Variants in CNTN4 observed in about 807,000 individuals in gnomAD.
CNTN4 encodes contactin-4.
CNTN4 carries 77 observed loss-of-function variants against 122.5 expected under a neutral mutation model. The observed-to-expected ratio is 0.63, with a 90% CI of 0.52 to 0.76. CNTN4 has a LOEUF of 0.76. Among genes scored for constraint, CNTN4 ranks in the 30% least tolerant of loss-of-function variants. The pLI, the probability that CNTN4 is intolerant of heterozygous loss-of-function variation, is 0.00. For missense variants in CNTN4, 1,256 were observed against 1,259.1 expected, an observed-to-expected ratio of 1.00 and a Z score of 0.04; for synonymous variants, 512 against 447.0, an observed-to-expected ratio of 1.15 and a Z score of -1.83.
At chr3:2,215,407 G>A (rs2038794102) in intron 2 of CNTN4, among the ~76,000 whole-genome samples, 1 of 152,036 alleles carries the variant, frequency 6.6e-6, no homozygotes, top group African/African-American at 2.4e-5. Flanking sequence ...GCTTCTTTTT[G>A]GGAAACCACA....
chr3:2,183,252 C>A (rs2037099345), intron 2 of CNTN4, among the ~76,000 whole-genome samples: 1 of 152,044 alleles, frequency 6.6e-6, no homozygotes, highest in Admixed American at 6.6e-5. Flanking sequence ...TTAATTTTAA[C>A]AGCTTTGGAG....
At chr3:2,474,613 T>C (rs1575714040) in intron 3 of CNTN4, among the ~76,000 whole-genome samples, 1 of 152,240 alleles carries the variant, frequency 6.6e-6, no homozygotes, top group East Asian at 1.9e-4. Context: ...ATAGGAAATG[T>C]AAGGAAAAAT....
intron 2 of CNTN4, among the ~76,000 whole-genome samples, chr3:2,301,902 A>G (rs899948991): frequency 1.3e-5 from 2 of 152,246 alleles, no homozygotes; most frequent in African/African-American, 4.8e-5. Flanking sequence ...TACGTGAGAG[A>G]AATCAGCAAT....
chr3:2,949,072 C>T (rs1431062497), intron 13 of CNTN4, among the ~76,000 whole-genome samples: 1 of 152,106 alleles, frequency 6.6e-6, no homozygotes, highest in African/African-American at 2.4e-5. Context: ...CTAGCTCTTT[C>T]TCTTAGCTAC....
intron 6 of CNTN4, among the ~76,000 whole-genome samples, chr3:2,769,644 C>T (rs1013523318): frequency 6.6e-6 from 1 of 152,082 alleles, no homozygotes; most frequent in African/African-American, 2.4e-5. Context: ...TAGTTAGAAA[C>T]ACCTATGTTG....
At chr3:2,758,259 T>A (rs2090429529) in intron 6 of CNTN4, among the ~76,000 whole-genome samples, 1 of 152,176 alleles carries the variant, frequency 6.6e-6, no homozygotes, top group South Asian at 2.1e-4. Flanking sequence ...TGAATGTTGA[T>A]AAGTGCTGAA....
intron 4 of CNTN4, among the ~76,000 whole-genome samples, chr3:2,593,468 C>T (rs578149409): frequency 1.3e-5 from 2 of 152,268 alleles, no homozygotes; most frequent in Admixed American, 1.3e-4. Context: ...TTACCAGTAG[C>T]AGAGTTGCAA....
At chr3:2,214,346 A>G (rs536198167) in intron 2 of CNTN4, among the ~76,000 whole-genome samples, 19 of 152,154 alleles carry the variant, frequency 1.2e-4, no homozygotes, top group Non-Finnish European at 2.4e-4. Flanking sequence ...TGATGAGTAG[A>G]TTATAGTGAC....
intron 3 of CNTN4, among the ~76,000 whole-genome samples, chr3:2,340,607 G>GA (rs1227726248): frequency 6.7e-6 from 1 of 149,406 alleles, no homozygotes; most frequent in African/African-American, 2.5e-5. Context: ...TTGGGCCTGG[G>GA]AGGTCAAGGC....
At chr3:2,729,911 C>T (rs2088555933) in intron 4 of CNTN4, among the ~76,000 whole-genome samples, 1 of 152,124 alleles carries the variant, frequency 6.6e-6, no homozygotes, top group Non-Finnish European at 1.5e-5. Flanking sequence ...GAGACCCCAT[C>T]TCAAAAAATA....
intron 4 of CNTN4, among the ~76,000 whole-genome samples, chr3:2,653,602 C>T (rs1462413745): frequency 6.6e-6 from 1 of 151,996 alleles, no homozygotes; most frequent in East Asian, 1.9e-4. Context: ...TCATTTTAGT[C>T]AGAAATACTC....
At chr3:2,231,113 A>G (rs2039468565) in intron 2 of CNTN4, among the ~76,000 whole-genome samples, 1 of 152,248 alleles carries the variant, frequency 6.6e-6, no homozygotes, top group Non-Finnish European at 1.5e-5. Flanking sequence ...ATTTTAGTTA[A>G]CACAATATGT....
intron 4 of CNTN4, among the ~76,000 whole-genome samples, chr3:2,705,735 ATGAT>A (rs1467530619): frequency 4.0e-5 from 4 of 99,526 alleles, no homozygotes; most frequent in Non-Finnish European, 7.0e-5. Flanking sequence ...TAAAATATAT[ATGAT>A]ATATATGATA....
rs189136403 is a variant in CNTN4, at chr3:2,194,137, T to C, written c.-145+93498T>C. Reference sequence around the variant, plus strand: ...TCATCATCATGTTGTCTGTCTCAAATGTTCAGGGAAAATAATTATATGTAT... The same window carrying C: ...TCATCATCATGTTGTCTGTCTCAAACGTTCAGGGAAAATAATTATATGTAT... On this transcript the variant is annotated intron_variant, in intron 2 of 24. Transcript: ENST00000418658. Among the ~76,000 whole-genome samples, 4 of 152,224 alleles carry C rather than the reference T, an allele frequency of 2.6e-5. No individual in the cohort carries two copies. The East Asian group carries it at 7.7e-4, about 29-fold the overall frequency.
At chr3:2,400,415 A>ATATATATAT (rs1216714887) in intron 3 of CNTN4, among the ~76,000 whole-genome samples, 9 of 64,778 alleles carry the variant, frequency 1.4e-4, no homozygotes, top group Non-Finnish European at 3.2e-4. Context: ...ATATATATAT[A>ATATATATAT]TATATATATA....
At chr3:2,816,476 G>A (rs902354124) in intron 6 of CNTN4, among the ~76,000 whole-genome samples, 5 of 152,116 alleles carry the variant, frequency 3.3e-5, no homozygotes, top group South Asian at 2.1e-4. Flanking sequence ...ATATAGTGCA[G>A]TGTATACTGC....
At chr3:2,303,981 A>C (rs2042615582) in intron 2 of CNTN4, among the ~76,000 whole-genome samples, 1 of 152,206 alleles carries the variant, frequency 6.6e-6, no homozygotes. Flanking sequence ...AATAGGAATT[A>C]GATTATGGCA....
At chr3:2,679,809 A>G (rs1411873939) in intron 4 of CNTN4, among the ~76,000 whole-genome samples, 1 of 152,130 alleles carries the variant, frequency 6.6e-6, no homozygotes, top group Non-Finnish European at 1.5e-5. Flanking sequence ...CCTTGACATC[A>G]TTCATTCTCA....
At chr3:2,717,018 A>G (rs2087535962) in intron 4 of CNTN4, among the ~76,000 whole-genome samples, 2 of 152,182 alleles carry the variant, frequency 1.3e-5, no homozygotes, top group Admixed American at 6.5e-5. Flanking sequence ...TCATCAGTCA[A>G]TGGACATTTG....
Sources: allele counts gnomAD v4.1 joint callset (sites outside exome capture counted in the v4.1 genomes callset), GRCh38; gene constraint gnomAD v4.1.1; transcripts MANE v1.5; gene names NCBI Gene and HGNC (gene_info 2026-07-23, HGNC 2026-07-21).